ZC2HC1A: variants seen among roughly 807,000 people sequenced by gnomAD.
ZC2HC1A encodes the protein zinc finger C2HC domain-containing protein 1A.
ZC2HC1A carries 28 observed loss-of-function variants against 40.7 expected under a neutral mutation model. The observed-to-expected ratio is 0.69, with a 90% CI of 0.51 to 0.94. The LOEUF (loss-of-function observed/expected upper bound fraction) is 0.94. Among genes scored for constraint, ZC2HC1A ranks in the 40% least tolerant of loss-of-function variants. The pLI is 0.00. For missense variants in ZC2HC1A, 389 were observed against 386.3 expected, an observed-to-expected ratio of 1.01 and a Z score of -0.06; for synonymous variants, 129 against 129.2, an observed-to-expected ratio of 1.00 and a Z score of 0.01.
chr8:78,675,729 G>A (rs1809556995), intron 1 of ZC2HC1A, 58 bp from the exon 2 acceptor site: 2 of 1,424,258 alleles, frequency 1.4e-6, no homozygotes, highest in East Asian at 4.7e-5. Context: ...ACATTAAAAT[G>A]TGAAGTTTCA....
intron 2 of ZC2HC1A, among the ~76,000 whole-genome samples, chr8:78,676,908 A>G (rs1331412817): frequency 6.6e-6 from 1 of 152,088 alleles, no homozygotes. Context: ...GTTGGGAAAC[A>G]AGCACCACAT....
intron 7 of ZC2HC1A, among the ~76,000 whole-genome samples, chr8:78,708,067 A>G (rs1252877993): frequency 1.3e-5 from 2 of 152,194 alleles, no homozygotes; most frequent in African/African-American, 4.8e-5. Flanking sequence ...CAGAATTATC[A>G]TCTGGTACCA....
rs1447050682 is a variant in ZC2HC1A, at chr8:78,697,504, T to C, written c.602T>C (p.Val201Ala). 1 of 1,601,920 alleles carries C rather than the reference T, an allele frequency of 6.2e-7. No homozygotes were observed. The highest frequency in any genetic ancestry group is 1.1e-5 in the South Asian group (1 of 88,202). Residue 201 changes from valine to alanine, a missense_variant and splice_region_variant, in exon 6 of 9, where the codon GTA becomes GCA. Coordinates refer to ENST00000263849, the MANE Select transcript of ZC2HC1A (RefSeq NM_016010.3). ...CCAAGTGGCGCTGGCAAAACTGTTGTAGGTAATGATAGCCGAAAAGCAACT... is the reference window on the plus strand; with the variant it reads ...CCAAGTGGCGCTGGCAAAACTGTTGCAGGTAATGATAGCCGAAAAGCAACT... Reference protein sequence around the residue: ...PQPSGAGKTVVGVPSGKVSSS... With the variant: ...PQPSGAGKTVAGVPSGKVSSS...
Position 78,697,418 on chromosome 8 carries a change from C to T in ZC2HC1A, c.516C>T (p.Pro172=), listed in dbSNP as rs372858379. Residue 172 remains proline (P), a synonymous_variant, in exon 6 of 9, where the codon CCC becomes CCT. Transcript: ENST00000263849. ...PTSRTQVYKP[P]ALKKSNSPGT... ...TTCCATTATTTTAGTATAAGCCACC[C>T]GCACTTAAAAAGTCAAATTCTCCTG... 2.3e-5 allele frequency: 36 copies of T among 1,597,146 alleles called. No homozygotes were observed. In the East Asian group the frequency reaches 4.5e-4, roughly 20 times the overall value.
intron 3 of ZC2HC1A, among the ~76,000 whole-genome samples, chr8:78,684,495 T>A (rs553983367): frequency 2.0e-5 from 3 of 152,090 alleles, no homozygotes; most frequent in African/African-American, 4.8e-5. Flanking sequence ...CAGGTGGAGT[T>A]TATGGGAGCT....
rs112237410 is a variant in ZC2HC1A, at chr8:78,698,576, T to C, written c.704+63T>C. ...ATTAAACGATACTAAGGTTTTGTTATGTTTTGATAATTGCTTTTTCATTCA... is the reference window on the plus strand; with the variant it reads ...ATTAAACGATACTAAGGTTTTGTTACGTTTTGATAATTGCTTTTTCATTCA... On this transcript the variant is annotated intron_variant, in intron 7 of 8. Coordinates refer to ENST00000263849, the MANE Select transcript of ZC2HC1A (RefSeq NM_016010.3). 28 of 1,235,472 alleles carry C rather than the reference T, an allele frequency of 2.3e-5. 1 individual carries two copies. The African/African-American group carries it at 3.1e-4, about 14-fold the overall frequency. 76.5% of individuals were successfully genotyped at this position (1,235,472 alleles called of 1,614,324 possible). A position where few individuals can be genotyped will look rare whatever the true frequency, so the allele number is the denominator to read the frequency against.
At chr8:78,666,315 A>G (rs1225033642) in intron 1 of ZC2HC1A, 151 bp downstream of exon 1, 2 of 1,307,250 alleles carry the variant, frequency 1.5e-6, no homozygotes, top group African/African-American at 2.9e-5. Flanking sequence ...GGCCGAAGGG[A>G]ACCGGACAGT....
chr8:78,708,249 GTC>G (rs1246941333), intron 7 of ZC2HC1A, among the ~76,000 whole-genome samples: 1 of 152,180 alleles, frequency 6.6e-6, no homozygotes. Flanking sequence ...ATTATTTAAA[GTC>G]TGGTGTATGT....
In ZC2HC1A at chr8:78,678,567, A is replaced by C. The variant is rs779628800; in HGVS notation, c.98A>C (p.Lys33Thr). 1 of 1,608,228 alleles carries C rather than the reference A, an allele frequency of 6.2e-7. No homozygotes were observed. Among genetic ancestry groups the C allele is most frequent in the East Asian group, 2.2e-5 (1 of 44,688 alleles). The stretch of plus-strand genomic sequence containing the variant: ...TGCATTTCTTTATCTTAACAGAAAA[A>C]ACATGGACCCATTTGCCAGAAGACT... ...GRTFFPVALKKHGPICQKTAT... is the reference protein window; with the variant it reads ...GRTFFPVALKTHGPICQKTAT... The change falls in exon 3 of 9, where the codon AAA becomes ACA. Residue 33 changes from lysine to threonine, a missense_variant. Transcript: ENST00000263849.
chr8:78,689,437 G>T, intron 5 of ZC2HC1A, 64 bp downstream of exon 5: 7 of 1,428,004 alleles, frequency 4.9e-6, no homozygotes, highest in Non-Finnish European at 6.5e-6. Flanking sequence ...ATAGATTATT[G>T]TTTATGCTTT....
chr8:78,705,890 G>C (rs1810757801), intron 7 of ZC2HC1A, among the ~76,000 whole-genome samples: 1 of 152,026 alleles, frequency 6.6e-6, no homozygotes, highest in Non-Finnish European at 1.5e-5. Context: ...TGTTGTGCTG[G>C]GTTACCACTT....
intron 7 of ZC2HC1A, among the ~76,000 whole-genome samples, chr8:78,705,621 T>TACA (rs1259121736): frequency 1.3e-5 from 2 of 152,156 alleles, no homozygotes; most frequent in African/African-American, 4.8e-5. Flanking sequence ...GGTGTGCTGT[T>TACA]GTACCACTTC....
chr8:78,666,134 C>T lies in ZC2HC1A; in HGVS notation c.-15C>T, dbSNP rs528880191. ...GCTGCTGAAGGAGTCTCGCTGAGCT[C>T]GAGGAGGTGGCGCGATGGAGGGACT... On this transcript the variant is annotated 5_prime_UTR_variant, in exon 1 of 9. Coordinates refer to ENST00000263849, the MANE Select transcript of ZC2HC1A (RefSeq NM_016010.3). 4 of 1,568,334 alleles carry T rather than the reference C, an allele frequency of 2.6e-6. No individual in the cohort carries two copies. The highest frequency in any genetic ancestry group is 2.3e-5 in the East Asian group (1 of 42,852).
intron 7 of ZC2HC1A, among the ~76,000 whole-genome samples, chr8:78,713,392 A>G (rs1168593556): frequency 6.6e-6 from 1 of 152,088 alleles, no homozygotes; most frequent in East Asian, 1.9e-4. Flanking sequence ...ATATGGTGAC[A>G]TTATGTGTAT....
chr8:78,673,525 C>A (rs1457107444), intron 1 of ZC2HC1A, among the ~76,000 whole-genome samples: 1 of 152,166 alleles, frequency 6.6e-6, no homozygotes, highest in African/African-American at 2.4e-5. Context: ...AATTTACACT[C>A]CTACCAACAG....
rs1811203719 is a variant in ZC2HC1A, at chr8:78,719,726, C to G, written c.*2233C>G. On this transcript the variant is annotated 3_prime_UTR_variant, in exon 9 of 9. Coordinates refer to ENST00000263849, the MANE Select transcript of ZC2HC1A (RefSeq NM_016010.3). ...TTTGTTTTTTCACCAATAATGTCTT[C>G]ATATTTGAACCTATTCAATAAAGAC... The G allele has an allele frequency of 6.6e-6, 1 of 151,626 alleles. No individual in the cohort carries two copies. The highest frequency in any genetic ancestry group is 1.5e-5 in the Non-Finnish European group (1 of 67,646). The allele number at this position is 151,626 out of a possible 1,614,324, so 9.4% of individuals were successfully genotyped here.
At chr8:78,707,492 C>G (rs1278002422) in intron 7 of ZC2HC1A, among the ~76,000 whole-genome samples, 3 of 152,202 alleles carry the variant, frequency 2.0e-5, no homozygotes, top group African/African-American at 7.2e-5. Flanking sequence ...GACAACTGAT[C>G]CAAGAAAATC....
At chr8:78,674,232 A>G (rs1034510296) in intron 1 of ZC2HC1A, among the ~76,000 whole-genome samples, 1 of 152,104 alleles carries the variant, frequency 6.6e-6, no homozygotes, top group African/African-American at 2.4e-5. Flanking sequence ...ATTTTTGTCA[A>G]TAGTTAATTT....
intron 3 of ZC2HC1A, among the ~76,000 whole-genome samples, chr8:78,681,828 T>C (rs1809792825): frequency 6.6e-6 from 1 of 152,018 alleles, no homozygotes; most frequent in Admixed American, 6.5e-5. Context: ...TATAATATCT[T>C]CTTGTCTTTT....
Sources: allele counts gnomAD v4.1 joint callset (sites outside exome capture counted in the v4.1 genomes callset), GRCh38; gene constraint gnomAD v4.1.1; transcripts MANE v1.5; gene names NCBI Gene and HGNC (gene_info 2026-07-23, HGNC 2026-07-21).